LTF: variants seen among roughly 807,000 people sequenced by gnomAD.
The protein encoded by LTF is epididymis luminal protein 110.
A neutral mutation model predicts 87.2 loss-of-function variants in LTF; 91 were observed. That is an observed-to-expected ratio of 1.04 (90% CI 0.88 to 1.24). LTF has a LOEUF of 1.24. Among genes scored for constraint, LTF ranks in the 50% most tolerant of loss-of-function variants. The pLI is 0.00. For synonymous variants in LTF, 378 were observed against 356.1 expected, an observed-to-expected ratio of 1.06 and a Z score of -0.69; for missense variants, 901 against 904.3, an observed-to-expected ratio of 1.00 and a Z score of 0.05.
At chr3:46,479,633 C>T (rs1169054818) in intron 1 of LTF, among the ~76,000 whole-genome samples, 1 of 152,234 alleles carries the variant, frequency 6.6e-6, no homozygotes, top group Non-Finnish European at 1.5e-5. Flanking sequence ...AAGCGATTCT[C>T]CTGCCTCAGC....
chr3:46,438,226 G>A, intron 15 of LTF, 97 bp from the exon 16 acceptor site: 1 of 1,013,924 alleles, frequency 9.9e-7, no homozygotes, highest in Non-Finnish European at 1.5e-6. Context: ...GAACAGCCCT[G>A]AGAAAACCAT....
Position 46,454,315 on chromosome 3 carries a change from G to GCT in LTF, c.691_692dup (p.Ser231ArgfsTer50). ...TTACCCTGCTCTTACCAAACACTGTGCTCTCTCTGATAAAAGCCACGTCTC... is the reference window on the plus strand; with the variant it reads ...TTACCCTGCTCTTACCAAACACTGTGCTCTCTCTCTGATAAAAGCCACGTCTC... On this transcript the variant is annotated frameshift_variant, in exon 6 of 17. Transcript: ENST00000231751. LOFTEE classifies it high-confidence loss of function. 2 of 1,614,090 alleles carry GCT rather than the reference G, an allele frequency of 1.2e-6. No homozygotes were observed. Among genetic ancestry groups the GCT allele is most frequent in the Non-Finnish European group, 1.7e-6 (2 of 1,179,970 alleles).
At chr3:46,443,227 G>C (rs530860789) in intron 13 of LTF, among the ~76,000 whole-genome samples, 2 of 152,204 alleles carry the variant, frequency 1.3e-5, no homozygotes, top group Non-Finnish European at 2.9e-5. Flanking sequence ...GAAGCACTGC[G>C]GAGCTGAGGT....
Position 46,438,097 on chromosome 3 carries a change from C to T in LTF, c.1941G>A (p.Pro647=), listed in dbSNP as rs574575140. 85 of 1,613,604 alleles carry T rather than the reference C, an allele frequency of 5.3e-5. No homozygotes were observed. The highest frequency in any genetic ancestry group is 5.8e-5 in the Non-Finnish European group (68 of 1,179,858). ...AKFGRNGSDC[P]DKFCLFQSET... is the part of the protein sequence containing the mutation. The stretch of plus-strand genomic sequence containing the variant: ...CAGACTGGAATAAGCAAAACTTGTC[C>T]GGGCAGTCAGATCCATTTCTCCCAA... The change falls in exon 16 of 17, where the codon CCG becomes CCA. Residue 647 remains proline (P), a synonymous_variant. Coordinates refer to ENST00000231751, the MANE Select transcript of LTF (RefSeq NM_002343.6).
At chr3:46,459,317 G>C (rs950998921) in intron 2 of LTF, among the ~76,000 whole-genome samples, 4 of 152,200 alleles carry the variant, frequency 2.6e-5, no homozygotes, top group African/African-American at 9.7e-5. Context: ...GACTCTTTTG[G>C]AGGATTTCCC....
At position 46,455,190 on chromosome 3, in the gene LTF, G is replaced by A. The variant is rs146390544; in HGVS notation, c.647+105C>T. On this transcript the variant is annotated intron_variant, in intron 5 of 16. Coordinates refer to ENST00000231751, the MANE Select transcript of LTF (RefSeq NM_002343.6). Reference sequence around the variant, plus strand: ...GCAGTAGGAGAACAGACCTCCTCTCGTCCCCAAGAGCAGGCTGGGCTCTAT... The same window carrying A: ...GCAGTAGGAGAACAGACCTCCTCTCATCCCCAAGAGCAGGCTGGGCTCTAT... The A allele has an allele frequency of 5.1e-4, 711 of 1,389,786 alleles. 2 individuals carry two copies. The highest frequency in any genetic ancestry group is 6.4e-4 in the Non-Finnish European group (636 of 990,678). The allele number at this position is 1,389,786 out of a possible 1,614,324, so 86.1% of individuals were successfully genotyped here.
intron 16 of LTF, 104 bp downstream of exon 16, chr3:46,437,836 T>C: frequency 8.4e-6 from 7 of 835,546 alleles, no homozygotes; most frequent in Non-Finnish European, 1.2e-5. Context: ...TATCTTTCCT[T>C]AACATTTTTA....
upstream of LTF, chr3:46,468,342 T>C (rs1020944328): frequency 2.8e-5 from 13 of 456,406 alleles, no homozygotes; most frequent in Non-Finnish European, 4.8e-5. Flanking sequence ...AGAATGCAGG[T>C]TTCCAAATGC....
chr3:46,471,601 A>T (rs1703287207), intron 1 of LTF, among the ~76,000 whole-genome samples: 1 of 152,170 alleles, frequency 6.6e-6, no homozygotes, highest in Admixed American at 6.5e-5. Flanking sequence ...GCAGAGGAGG[A>T]CAAGCCCTGC....
chr3:46,480,351 A>G (rs1703416809), intron 1 of LTF, among the ~76,000 whole-genome samples: 1 of 151,984 alleles, frequency 6.6e-6, no homozygotes, highest in South Asian at 2.1e-4. Flanking sequence ...GGACTCCGCA[A>G]CCTTCCTAAC....
At position 46,455,393 on chromosome 3, in the gene LTF, T is replaced by C. The variant is rs750359060; in HGVS notation, c.549A>G (p.Gly183=). The change falls in exon 5 of 17, where the codon GGA becomes GGG. Residue 183 remains glycine (G), a synonymous_variant. Transcript: ENST00000231751. The part of the protein sequence containing the change: ...SASCVPGADK[G]QFPNLCRLCA... ...ACAGGCGACACAGGTTGGGGAACTG[T>C]CCTTTATCTGCACCGGGAACACAGC... 16 of 1,614,222 alleles carry C rather than the reference T, an allele frequency of 9.9e-6. No homozygotes were observed. The highest frequency in any genetic ancestry group is 1.4e-5 in the Non-Finnish European group (16 of 1,180,030).
rs1383040681 is a variant in LTF, at chr3:46,473,442, T to C, written c.-319-2976A>G. ...ATGGAGTAGGCATATCTCTCTCTAT[T>C]CCTCCCACTAAGTACAGATTAAAAT... On this transcript the variant is annotated intron_variant, in intron 1 of 19. Coordinates refer to the LTF transcript ENST00000443496. 2.0e-5 allele frequency among the ~76,000 whole-genome samples: 3 copies of C among 152,144 alleles called. No homozygotes were observed. In the East Asian group the frequency reaches 5.8e-4, roughly 29 times the overall value.
chr3:46,454,419 T>A, intron 5 of LTF, 59 bp from the exon 6 acceptor site: 1 of 1,381,508 alleles, frequency 7.2e-7, no homozygotes. Context: ...CCCCTCCCTG[T>A]GGAACAGTAG....
rs1208789307 is a variant in LTF at position 46,482,517 on chromosome 3, AG to A, written c.-320+2468del. On this transcript the variant is annotated intron_variant, in intron 1 of 19. Coordinates refer to the LTF transcript ENST00000443496. ...AGGGAAGGGAAGGGAAGGGAAGGGA[AG>A]GGAAGGGAAGGGAAGGGAAGGGAAG... 3.0e-3 allele frequency among the ~76,000 whole-genome samples: 186 copies of A among 61,222 alleles called. 8 individuals carry two copies. The highest frequency in any genetic ancestry group is 0.017 in the Middle Eastern group (3 of 180). 40.2% of individuals were successfully genotyped at this position (61,222 alleles called of 152,430 possible). A position where few individuals can be genotyped will look rare whatever the true frequency, so the allele number is the denominator to read the frequency against.
chr3:46,450,627 G>C lies in LTF; in HGVS notation c.750C>G (p.Cys250Trp), dbSNP rs764250570. The C allele has an allele frequency of 3.1e-6, 5 of 1,614,168 alleles. No homozygotes were observed. In the South Asian group the frequency reaches 5.5e-5, roughly 18 times the overall value. The change falls in exon 7 of 17, where the codon TGC becomes TGG. Residue 250 changes from cysteine (C) to tryptophan (W), a missense_variant. Cys to Trp is a radical substitution (Grantham distance 215). Transcript: ENST00000231751. The part of the protein sequence containing the change: ...EAERDEYELL[C>W]PDNTRKPVDK... Reference sequence around the variant, plus strand: ...CCACTGGCTTCCGAGTGTTGTCTGGGCAGAGTAACTCATACTCGTCCCTTT... The same window carrying C: ...CCACTGGCTTCCGAGTGTTGTCTGGCCAGAGTAACTCATACTCGTCCCTTT...
intron 1 of LTF, among the ~76,000 whole-genome samples, chr3:46,479,814 C>T (rs918388284): frequency 1.1e-4 from 17 of 152,214 alleles, no homozygotes; most frequent in African/African-American, 4.1e-4. Flanking sequence ...AGGCGTGAGC[C>T]ACTGCGCCCG....
At chr3:46,470,889 G>A (rs1703273698) in intron 1 of LTF, among the ~76,000 whole-genome samples, 1 of 152,186 alleles carries the variant, frequency 6.6e-6, no homozygotes, top group African/African-American at 2.4e-5. Flanking sequence ...ATTAAAACCC[G>A]ATGTTGAGAT....
intron 16 of LTF, among the ~76,000 whole-genome samples, chr3:46,436,889 A>G (rs1702399177): frequency 1.3e-5 from 2 of 152,244 alleles, no homozygotes; most frequent in Admixed American, 1.3e-4. Flanking sequence ...TGCTTTGTTT[A>G]GTAGCATCCC....
At chr3:46,465,335 C>T (rs769529190), upstream of LTF, among the ~76,000 whole-genome samples, 1 of 152,194 alleles carries the variant, frequency 6.6e-6, no homozygotes, top group Non-Finnish European at 1.5e-5. Context: ...TTTGCTTTCA[C>T]CTTGGCTCAG....
Sources: gnomAD v4.1 joint callset for allele counts (sites outside exome capture counted in the v4.1 genomes callset) on GRCh38, gnomAD v4.1.1 for gene constraint, MANE v1.5 for transcripts, NCBI Gene and HGNC (gene_info 2026-07-23, HGNC 2026-07-21) for gene names.